Variants in MAP4K4 observed in about 807,000 individuals in gnomAD.
The protein encoded by MAP4K4 is mitogen-activated protein kinase kinase kinase kinase 4.
A neutral mutation model predicts 189.6 loss-of-function variants in MAP4K4; 38 were observed. The observed-to-expected ratio is 0.20, with a 90% confidence interval of 0.15 to 0.26. The LOEUF (loss-of-function observed/expected upper bound fraction) is 0.26. MAP4K4 is among the 10% of genes least tolerant of loss of function. The probability of loss-of-function intolerance (pLI) is 1.00; values close to 1 mark genes in which losing one functional copy is unlikely to be tolerated. For synonymous variants in MAP4K4, 610 were observed against 624.3 expected (o/e 0.98, Z 0.34); for missense variants, 1,054 against 1,726.9 (o/e 0.61, Z 6.91).
At chr2:101,840,024 T>G in intron 10 of MAP4K4, 30 bp downstream of exon 10, 4 of 1,560,002 alleles carry the variant, frequency 2.6e-6, no homozygotes, top group Non-Finnish European at 3.5e-6. Flanking sequence ...TTTCATCCTT[T>G]AAAATTTTTA....
At chr2:101,802,792 GT>G (rs747372069) in intron 3 of MAP4K4, among the ~76,000 whole-genome samples, 3 of 148,764 alleles carry the variant, frequency 2.0e-5, no homozygotes, top group South Asian at 4.3e-4. Flanking sequence ...ATCTTTGTCT[GT>G]TTTTTTTTTG....
rs114208875 is a variant in MAP4K4, at chr2:101,845,499, G to A, written c.1233+1188G>A. On this transcript the variant is annotated intron_variant, in intron 12 of 32. Coordinates refer to ENST00000324219, the Ensembl canonical transcript of MAP4K4. ...TACCTACACAGACCTAGATGGTACA[G>A]CCTACTGCGCACCTAGACTATGTGG... Among the ~76,000 whole-genome samples the A allele has an allele frequency of 5.0e-3, 767 of 152,288 alleles. 6 individuals carry two copies. The highest frequency in any genetic ancestry group is 0.017 in the African/African-American group (722 of 41,562).
chr2:101,841,624 A>G (rs1228370086), intron 10 of MAP4K4, among the ~76,000 whole-genome samples: 1 of 152,004 alleles, frequency 6.6e-6, no homozygotes, highest in Admixed American at 6.6e-5. Flanking sequence ...ATGTACCACC[A>G]CACCCGGCTG....
chr2:101,738,786 A>G (rs912938507), intron 2 of MAP4K4, among the ~76,000 whole-genome samples: 6 of 151,948 alleles, frequency 3.9e-5, no homozygotes, highest in Non-Finnish European at 7.4e-5. Flanking sequence ...AGGGAAGTAC[A>G]GTGGTGGAAA....
At chr2:101,853,951 T>C (rs536039433) in intron 12 of MAP4K4, among the ~76,000 whole-genome samples, 53 of 152,308 alleles carry the variant, frequency 3.5e-4, no homozygotes, top group African/African-American at 1.2e-3. Context: ...AAATTGTGTG[T>C]AACATGTTAG....
At chr2:101,765,391 G>A (rs554920751) in intron 2 of MAP4K4, among the ~76,000 whole-genome samples, 144 of 152,276 alleles carry the variant, frequency 9.5e-4, no homozygotes, top group African/African-American at 3.4e-3. Flanking sequence ...GTGCAGGGGC[G>A]CAATCACGGC....
At chr2:101,725,401 CAAAA>C in intron 2 of MAP4K4, among the ~76,000 whole-genome samples, 1 of 128,104 alleles carries the variant, frequency 7.8e-6, no homozygotes, top group East Asian at 2.5e-4. Flanking sequence ...AAAAAAAAAA[CAAAA>C]ACAAAAAAAA....
At chr2:101,827,849 C>T (rs1348395143) in intron 5 of MAP4K4, among the ~76,000 whole-genome samples, 1 of 152,120 alleles carries the variant, frequency 6.6e-6, no homozygotes, top group African/African-American at 2.4e-5. Context: ...ATGCATGATA[C>T]AGAGTTAAGG....
intron 29 of MAP4K4, among the ~76,000 whole-genome samples, chr2:101,886,058 C>G (rs1381849947): frequency 6.6e-6 from 1 of 151,860 alleles, no homozygotes; most frequent in Non-Finnish European, 1.5e-5. Context: ...GCTTGATTTC[C>G]CAGTGAAGCA....
chr2:101,844,065 G>A (rs779704817), intron 11 of MAP4K4, 36 bp from the exon 12 acceptor site: 26 of 1,464,228 alleles, frequency 1.8e-5, no homozygotes, highest in East Asian at 7.0e-5. Context: ...CAGTGTGATC[G>A]GTGCACACCC....
At chr2:101,865,662 T>A (rs2097789631) in intron 18 of MAP4K4, among the ~76,000 whole-genome samples, 1 of 152,204 alleles carries the variant, frequency 6.6e-6, no homozygotes, top group Non-Finnish European at 1.5e-5. Flanking sequence ...ATATAGAACA[T>A]TTTCATCATA....
intron 2 of MAP4K4, among the ~76,000 whole-genome samples, chr2:101,747,415 G>A (rs1007643416): frequency 2.6e-5 from 4 of 152,196 alleles, no homozygotes; most frequent in Non-Finnish European, 5.9e-5. Flanking sequence ...ACCATGCCCG[G>A]CCTTGTGTCC....
chr2:101,751,448 G>T lies in MAP4K4; in HGVS notation c.124-39272G>T, dbSNP rs1168810499. 3.3e-5 allele frequency among the ~76,000 whole-genome samples: 5 copies of T among 152,214 alleles called. No homozygotes were observed. The East Asian group carries it at 9.6e-4, about 29-fold the overall frequency. On this transcript the variant is annotated intron_variant, in intron 2 of 32. Coordinates refer to ENST00000324219, the Ensembl canonical transcript of MAP4K4. ...GGAACACAATAGCTTAACCCCTGGA[G>T]TCTCAATGTCTCATCTGTAAAATGG... is the stretch of plus-strand genomic sequence containing the variant.
intron 2 of MAP4K4, among the ~76,000 whole-genome samples, chr2:101,755,694 C>T (rs2072134209): frequency 6.6e-6 from 1 of 151,898 alleles, no homozygotes; most frequent in Non-Finnish European, 1.5e-5. Flanking sequence ...TTAAGTTTCT[C>T]CATTTAACAG....
At chr2:101,781,141 A>C (rs557651516) in intron 2 of MAP4K4, among the ~76,000 whole-genome samples, 30 of 152,302 alleles carry the variant, frequency 2.0e-4, no homozygotes, top group Admixed American at 3.3e-4. Context: ...AGCATGTGCT[A>C]ATCCTTTTTT....
intron 15 of MAP4K4, chr2:101,860,239 CTT>C (rs1165976060): frequency 6.5e-6 from 2 of 308,780 alleles, no homozygotes; most frequent in African/African-American, 4.3e-5. Context: ...AACTTTCTGA[CTT>C]TGCAGATGTC....
chr2:101,807,548 T>C (rs901322956), intron 3 of MAP4K4, among the ~76,000 whole-genome samples: 71 of 152,312 alleles, frequency 4.7e-4, no homozygotes, highest in African/African-American at 1.7e-3. Context: ...TGACCAAAGA[T>C]GCTTTTCTGT....
chr2:101,797,113 A>G, intron 3 of MAP4K4: 1 of 754,390 alleles, frequency 1.3e-6, no homozygotes, highest in Non-Finnish European at 1.8e-6. Flanking sequence ...ACACTGAACA[A>G]TTTTACCCTT....
In MAP4K4 at chr2:101,870,211, G is replaced by C. The variant is rs185193371; in HGVS notation, c.2640-84G>C. On this transcript the variant is annotated intron_variant, in intron 22 of 32. Transcript: ENST00000324219. Reference sequence around the variant, plus strand: ...TATCGGTAGCCTCATCTCATGTTTTGATTTTGAGAAGGCGAAAAGCCTAAA... The same window carrying C: ...TATCGGTAGCCTCATCTCATGTTTTCATTTTGAGAAGGCGAAAAGCCTAAA... 946 of 1,425,582 alleles carry C rather than the reference G, an allele frequency of 6.6e-4. 1 individual carries two copies. The highest frequency in any genetic ancestry group is 7.5e-4 in the Non-Finnish European group (778 of 1,042,590). 88.3% of individuals were successfully genotyped at this position (1,425,582 alleles called of 1,614,324 possible).
Sources: gnomAD v4.1 joint callset for allele counts (sites outside exome capture counted in the v4.1 genomes callset) on GRCh38, gnomAD v4.1.1 for gene constraint, MANE v1.5 for transcripts, NCBI Gene and HGNC (gene_info 2026-07-23, HGNC 2026-07-21) for gene names.